Variants in ABCC5 observed in about 807,000 individuals in gnomAD.
The protein encoded by ABCC5 is ATP-binding cassette sub-family C member 5.
In ABCC5, 61 loss-of-function variants were observed where a neutral mutation model predicts 160.9. That is an observed-to-expected ratio of 0.38 (90% confidence interval 0.31 to 0.47). The LOEUF is 0.47. ABCC5 is among the 20% of genes least tolerant of loss of function. The pLI is 0.99. For missense variants in ABCC5, 1,308 were observed against 1,813.3 expected, an observed-to-expected ratio of 0.72 and a Z score of 5.06; for synonymous variants, 666 against 700.6, an observed-to-expected ratio of 0.95 and a Z score of 0.78.
rs763785599 is a variant in ABCC5 at position 183,951,392 on chromosome 3, G to T, written c.2944+49C>A. 2 of 1,601,668 alleles carry T rather than the reference G, an allele frequency of 1.2e-6. No individual in the cohort carries two copies. The highest frequency in any genetic ancestry group is 3.4e-5 in the Admixed American group (2 of 58,820). ...ATTTGGAGAATCATCTAGAAGGCTG[G>T]AAGCACAGTGAGCTCCAGAGTATTA... On this transcript the variant is annotated intron_variant, in intron 20 of 29. Coordinates refer to ENST00000334444, the MANE Select transcript of ABCC5 (RefSeq NM_005688.4). This position sits in a 1 kb window ranked among gnomAD's most constrained non-coding sequence, Gnocchi z 4.7.
chr3:183,994,506 G>A (rs1356219335), intron 2 of ABCC5, among the ~76,000 whole-genome samples: 3 of 152,104 alleles, frequency 2.0e-5, no homozygotes, highest in African/African-American at 4.8e-5. Flanking sequence ...CTCCTGAGTT[G>A]CTGGGATTAC....
intron 17 of ABCC5, among the ~76,000 whole-genome samples, chr3:183,957,681 C>A (rs1303022084): frequency 1.3e-5 from 2 of 151,530 alleles, no homozygotes; most frequent in Non-Finnish European, 2.9e-5. Flanking sequence ...CGGTTACATG[C>A]AGATCCGTGT....
chr3:183,946,066 C>T, intron 23 of ABCC5, 127 bp from the exon 24 acceptor site: 1 of 829,994 alleles, frequency 1.2e-6, no homozygotes, highest in Middle Eastern at 2.2e-4. Flanking sequence ...GTCTTAGGGA[C>T]CTAGTCATTC....
chr3:183,941,070 G>A (rs1363355123), intron 25 of ABCC5, among the ~76,000 whole-genome samples: 1 of 152,142 alleles, frequency 6.6e-6, no homozygotes, highest in East Asian at 1.9e-4. Context: ...ATGTTGGCCA[G>A]GCTGGTCTTG....
chr3:184,000,318 G>A (rs1039901788), intron 2 of ABCC5, among the ~76,000 whole-genome samples: 1 of 152,056 alleles, frequency 6.6e-6, no homozygotes, highest in Non-Finnish European at 1.5e-5. Flanking sequence ...ACTCCAGCCT[G>A]GGTGACAGAG....
At chr3:183,937,822 G>A (rs528651326) in intron 26 of ABCC5, 79 bp downstream of exon 26, 31 of 1,482,712 alleles carry the variant, frequency 2.1e-5, no homozygotes, top group Non-Finnish European at 2.2e-5. Context: ...CCCAGGGGGC[G>A]GTGCTAGCAT....
At position 183,949,245 on chromosome 3, in the gene ABCC5, CACAATG is replaced by C. The variant is rs1715123165; in HGVS notation, c.3227+502_3227+507del. ...CCAATCTCTTATTAATACAAAGCTC[CACAATG>C]ACAATGCACATAAGTTTCACAAATA... On this transcript the variant is annotated intron_variant, in intron 22 of 29. Coordinates refer to ENST00000334444, the MANE Select transcript of ABCC5 (RefSeq NM_005688.4). The surrounding 1 kb of genome is among the most constrained non-coding windows in gnomAD (Gnocchi z 4.2). Among the ~76,000 whole-genome samples the C allele has an allele frequency of 6.6e-6, 1 of 152,286 alleles. No homozygotes were observed. The highest frequency in any genetic ancestry group is 2.1e-4 in the South Asian group (1 of 4,828).
At chr3:183,942,046 TC>T (rs1714406290) in intron 25 of ABCC5, among the ~76,000 whole-genome samples, 1 of 144,698 alleles carries the variant, frequency 6.9e-6, no homozygotes, top group Admixed American at 7.1e-5. Flanking sequence ...GCATTTCTTT[TC>T]TTTTTTTTTT....
At chr3:183,964,803 G>A (rs1443639601) in intron 14 of ABCC5, among the ~76,000 whole-genome samples, 6 of 152,172 alleles carry the variant, frequency 3.9e-5, no homozygotes, top group Non-Finnish European at 8.8e-5. Context: ...TGTTCTAAGG[G>A]CTCTTTCTAA....
chr3:183,985,735 G>A, intron 5 of ABCC5: 1 of 339,664 alleles, frequency 2.9e-6, no homozygotes, highest in Admixed American at 4.0e-5. Flanking sequence ...TAGAGATTCT[G>A]GTACTCCATT....
chr3:183,932,040 C>T (rs1363835529), intron 26 of ABCC5, among the ~76,000 whole-genome samples: 2 of 152,112 alleles, frequency 1.3e-5, no homozygotes, highest in Non-Finnish European at 2.9e-5. Context: ...CAACATTGAC[C>T]ACTGCTAAAT....
At chr3:183,978,747 C>CTATG in intron 8 of ABCC5, 96 bp from the exon 9 acceptor site, 1 of 1,311,188 alleles carries the variant, frequency 7.6e-7, no homozygotes, top group Non-Finnish European at 1.0e-6. Flanking sequence ...GGTCTCCAGC[C>CTATG]ACCCTTCAAC....
chr3:183,958,965 G>T (rs941613887), intron 17 of ABCC5, among the ~76,000 whole-genome samples: 1 of 151,692 alleles, frequency 6.6e-6, no homozygotes, highest in Non-Finnish European at 1.5e-5. Context: ...GCAAACCCAA[G>T]AAAGTCCCTG....
intron 2 of ABCC5, among the ~76,000 whole-genome samples, chr3:183,998,395 T>C (rs184734799): frequency 6.6e-6 from 1 of 152,350 alleles, no homozygotes; most frequent in African/African-American, 2.4e-5. Context: ...ATCTCACGAC[T>C]AGTATGCATT....
intron 5 of ABCC5, chr3:183,984,573 CCAAT>C: frequency 7.5e-7 from 1 of 1,333,446 alleles, no homozygotes; most frequent in Non-Finnish European, 9.6e-7. Flanking sequence ...GAGATCCCCA[CCAAT>C]CAGATTTTTG....
At chr3:183,937,760 A>T (rs1713882977) in intron 26 of ABCC5, 141 bp downstream of exon 26, 2 of 911,974 alleles carry the variant, frequency 2.2e-6, no homozygotes, top group African/African-American at 1.7e-5. Flanking sequence ...TGCACCAGCA[A>T]GCACATGGTG....
chr3:183,976,216 T>C (rs1034073843), intron 10 of ABCC5, among the ~76,000 whole-genome samples: 5 of 151,934 alleles, frequency 3.3e-5, no homozygotes, highest in Non-Finnish European at 5.9e-5. Flanking sequence ...CCTTCCTTTT[T>C]CTTTCTTCTC....
Position 183,951,969 on chromosome 3 carries a change from AC to A in ABCC5, c.2701del (p.Val901Ter). 1 of 1,612,594 alleles carries A rather than the reference AC, an allele frequency of 6.2e-7. No individual in the cohort carries two copies. Among genetic ancestry groups the A allele is most frequent in the Middle Eastern group, 1.7e-4 (1 of 6,060 alleles). ...TTVTRGNETS[V>X]SDSMKDNPHM... The stretch of plus-strand genomic sequence containing the variant: ...AGGATTGTCCTTCATGCTGTCACTC[AC>A]CGAGGTCTCGTTCCCTCGAGTCACA... On this transcript the variant is annotated frameshift_variant, in exon 19 of 30. Coordinates refer to ENST00000334444, the MANE Select transcript of ABCC5 (RefSeq NM_005688.4). LOFTEE classifies it high-confidence loss of function. The surrounding 1 kb of genome is among the most constrained non-coding windows in gnomAD (Gnocchi z 4.7).
chr3:183,976,118 C>T (rs1276782343), intron 10 of ABCC5, among the ~76,000 whole-genome samples: 3 of 146,704 alleles, frequency 2.0e-5, no homozygotes, highest in Admixed American at 7.1e-5. Flanking sequence ...GAAGTGGCCA[C>T]GTTGGGGTGG....
Sources: gnomAD v4.1 joint callset for allele counts (sites outside exome capture counted in the v4.1 genomes callset) on GRCh38, gnomAD v4.1.1 for gene constraint, Gnocchi (gnomAD v3.1) non-coding constraint, MANE v1.5 for transcripts, NCBI Gene and HGNC (gene_info 2026-07-23, HGNC 2026-07-21) for gene names.